EIF2AK3: variants seen among roughly 807,000 people sequenced by gnomAD.
The protein encoded by EIF2AK3 is eukaryotic translation initiation factor 2 alpha kinase 3.
A neutral mutation model predicts 113.5 loss-of-function variants in EIF2AK3; 50 were observed. The ratio of observed to expected loss-of-function variants is 0.44; its 90% CI spans 0.35 to 0.56. The LOEUF (loss-of-function observed/expected upper bound fraction) is 0.56, where lower values mean the gene tolerates loss of function less well. Ranked by LOEUF, EIF2AK3 falls within the 20% of genes least tolerant of loss-of-function variation. EIF2AK3 has a pLI of 0.00. For missense variants in EIF2AK3, 1,185 were observed against 1,378.0 expected (o/e 0.86, Z 2.22); for synonymous variants, 448 against 495.4 (o/e 0.90, Z 1.27).
At chr2:88,579,724 C>T (rs1366542572) in intron 10 of EIF2AK3, 84 bp from the exon 11 acceptor site, 1 of 1,292,374 alleles carries the variant, frequency 7.7e-7, no homozygotes, top group Non-Finnish European at 1.1e-6. Flanking sequence ...TCTTATGACA[C>T]ATAAAAATGT....
In EIF2AK3 at chr2:88,591,013, A is replaced by C. The variant is rs748516671; in HGVS notation, c.807T>G (p.Ile269Met). ...FSVGHFELRY[I>M]PDMETRAGFI... ...ATCCGGCTCTCGTTTCCATGTCTGG[A>C]ATATACCGAAGTTCAAAGTGGCCAA... The change falls in exon 5 of 17, where the codon ATT becomes ATG. Residue 269 changes from isoleucine (I) to methionine (M), a missense_variant. Ile to Met is a conservative substitution (Grantham distance 10). Around this residue, in one of 3 missense-constraint regions of EIF2AK3, gnomAD observed 877 missense variants for 1,024.2 expected, o/e 0.86. Coordinates refer to ENST00000303236, the MANE Select transcript of EIF2AK3 (RefSeq NM_004836.7). 8.1e-6 allele frequency: 13 copies of C among 1,613,998 alleles called. No homozygotes were observed. The highest frequency in any genetic ancestry group is 6.7e-5 in the Admixed American group (4 of 60,004).
chr2:88,564,282 T>G (rs1469380678), intron 14 of EIF2AK3, among the ~76,000 whole-genome samples: 1 of 152,180 alleles, frequency 6.6e-6, no homozygotes, highest in African/African-American at 2.4e-5. Context: ...TTAGTATAGC[T>G]TCTAAGGCTT....
chr2:88,611,314 A>G (rs1675450474), intron 2 of EIF2AK3, among the ~76,000 whole-genome samples: 1 of 152,114 alleles, frequency 6.6e-6, no homozygotes, highest in Admixed American at 6.6e-5. Flanking sequence ...CAACCTCAGA[A>G]GGGTTACTAT....
chr2:88,570,797 T>C (rs1674285009), intron 14 of EIF2AK3, 77 bp downstream of exon 14: 1 of 1,576,948 alleles, frequency 6.3e-7, no homozygotes, highest in Non-Finnish European at 8.7e-7. Flanking sequence ...TTACTGGGTA[T>C]TTTAATGAAA....
chr2:88,606,337 A>G (rs1384017129), intron 2 of EIF2AK3, among the ~76,000 whole-genome samples: 1 of 152,140 alleles, frequency 6.6e-6, no homozygotes. Context: ...AACAGGGCCA[A>G]ATCAGTTTCT....
At chr2:88,611,762 C>A (rs1277709895) in intron 2 of EIF2AK3, among the ~76,000 whole-genome samples, 1 of 152,104 alleles carries the variant, frequency 6.6e-6, no homozygotes, top group Non-Finnish European at 1.5e-5. Flanking sequence ...TCCCAAGTAG[C>A]TAGGATTACA....
chr2:88,590,808 T>C lies in EIF2AK3; in HGVS notation c.1002+10A>G. The C allele has an allele frequency of 2.5e-6, 4 of 1,613,480 alleles. No homozygotes were observed. The highest frequency in any genetic ancestry group is 3.4e-6 in the Non-Finnish European group (4 of 1,179,414). ...GAACCGTATTTTAAATCCTCAGTGG[T>C]GTTAGGTACCTGGTACTCCCATTCC... On this transcript the variant is annotated intron_variant, in intron 5 of 16. Transcript: ENST00000303236.
At chr2:88,589,288 A>G (rs1210445394) in intron 6 of EIF2AK3, among the ~76,000 whole-genome samples, 2 of 152,232 alleles carry the variant, frequency 1.3e-5, no homozygotes, top group African/African-American at 2.4e-5. Context: ...GTTAAATACT[A>G]TCATAACACA....
rs1462199166 is a variant in EIF2AK3, at chr2:88,570,733, C to T, written c.2985+141G>A. ...ACATCTTAGCTGTGTCACTATTCCA[C>T]TACTGGAACACTACTGCCAGTTTTC... On this transcript the variant is annotated intron_variant, in intron 14 of 16. Coordinates refer to ENST00000303236, the MANE Select transcript of EIF2AK3 (RefSeq NM_004836.7). 8 of 1,052,912 alleles carry T rather than the reference C, an allele frequency of 7.6e-6. No individual in the cohort carries two copies. The Admixed American group carries it at 1.5e-4, about 20-fold the overall frequency. The allele number at this position is 1,052,912 out of a possible 1,614,324, so 65.2% of individuals were successfully genotyped here. A position where few individuals can be genotyped will look rare whatever the true frequency, so the allele number is the denominator to read the frequency against.
intron 2 of EIF2AK3, among the ~76,000 whole-genome samples, chr2:88,613,123 C>G (rs1417669364): frequency 6.6e-6 from 1 of 152,184 alleles, no homozygotes; most frequent in Non-Finnish European, 1.5e-5. Context: ...TTGATGAGAA[C>G]AACTAAAGCT....
intron 13 of EIF2AK3, among the ~76,000 whole-genome samples, chr2:88,573,522 T>C (rs994835991): frequency 1.8e-4 from 27 of 152,192 alleles, no homozygotes; most frequent in Non-Finnish European, 3.2e-4. Flanking sequence ...TGTGGTCTCC[T>C]GTAAACTGTC....
At position 88,557,380 on chromosome 2, in the gene EIF2AK3, T is replaced by C. The variant is rs974625421; in HGVS notation, c.*356A>G. 28 of 243,558 alleles carry C rather than the reference T, an allele frequency of 1.1e-4. No homozygotes were observed. Among genetic ancestry groups the C allele is most frequent in the Non-Finnish European group, 2.1e-4 (26 of 122,732 alleles). The allele number at this position is 243,558 out of a possible 1,614,324, so 15.1% of individuals were successfully genotyped here. On this transcript the variant is annotated 3_prime_UTR_variant, in exon 17 of 17. Coordinates refer to ENST00000303236, the MANE Select transcript of EIF2AK3 (RefSeq NM_004836.7). Reference sequence around the variant, plus strand: ...CAATACAGTTACCACACAGGGGGACTTTCCTTCTTCTGCATTATAAAAATA... The same window carrying C: ...CAATACAGTTACCACACAGGGGGACCTTCCTTCTTCTGCATTATAAAAATA...
chr2:88,566,159 T>C (rs1674118060), intron 14 of EIF2AK3, among the ~76,000 whole-genome samples: 1 of 152,230 alleles, frequency 6.6e-6, no homozygotes, highest in Non-Finnish European at 1.5e-5. Flanking sequence ...TTCCATCTTC[T>C]TGGCTCCTCC....
chr2:88,625,608 C>T (rs1222030917), intron 1 of EIF2AK3, among the ~76,000 whole-genome samples: 1 of 152,214 alleles, frequency 6.6e-6, no homozygotes, highest in East Asian at 1.9e-4. Flanking sequence ...AGACTGCACA[C>T]TCTCCTGGAA....
chr2:88,607,302 A>C (rs1675300229), intron 2 of EIF2AK3, among the ~76,000 whole-genome samples: 1 of 152,354 alleles, frequency 6.6e-6, no homozygotes, highest in African/African-American at 2.4e-5. Flanking sequence ...ATCTGAATAT[A>C]AATTACTAGA....
At position 88,627,039 on chromosome 2, in the gene EIF2AK3, G is replaced by A. The variant is rs539891019; in HGVS notation, c.236C>T (p.Pro79Leu). The change falls in exon 1 of 17, where the codon CCG becomes CTG. Residue 79 changes from proline (P) to leucine (L), a missense_variant. By Grantham distance (98) the Pro-to-Leu change is moderately conservative (BLOSUM62 -3). Coordinates refer to ENST00000303236, the MANE Select transcript of EIF2AK3 (RefSeq NM_004836.7). ...EVTVEDAEAL[P>L]AAAGEQEPRG... ...AGGCTCCTGCTCTCCCGCGGCTGCC[G>A]GCAGCGCCTCAGCGTCCTCCACAGT... is the stretch of plus-strand genomic sequence containing the variant. 170 of 1,602,104 alleles carry A rather than the reference G, an allele frequency of 1.1e-4. No individual in the cohort carries two copies. In the East Asian group the frequency reaches 3.1e-3, roughly 30 times the overall value.
chr2:88,584,517 C>A (rs1352706955), intron 9 of EIF2AK3, among the ~76,000 whole-genome samples: 1 of 123,068 alleles, frequency 8.1e-6, no homozygotes, highest in Non-Finnish European at 1.6e-5. Flanking sequence ...ATGAGTGAGA[C>A]CCTGTCTCTG....
intron 15 of EIF2AK3, among the ~76,000 whole-genome samples, chr2:88,561,172 G>A (rs1284346900): frequency 2.0e-5 from 3 of 151,772 alleles, no homozygotes; most frequent in Non-Finnish European, 4.4e-5. Flanking sequence ...CCAGGCTGGT[G>A]TTGAACTCTG....
At position 88,627,011 on chromosome 2, in the gene EIF2AK3, C is replaced by T; in HGVS notation, c.264G>A (p.Arg88=). Residue 88 remains arginine, a synonymous_variant, in exon 1 of 17, where the codon CGG becomes CGA. Coordinates refer to ENST00000303236, the MANE Select transcript of EIF2AK3 (RefSeq NM_004836.7). ...CTGTCTCATCGTCTGGTTCCGGACC[C>T]CGAGGCTCCTGCTCTCCCGCGGCTG... ...LPAAAGEQEP[R]GPEPDDETEL... 2 of 1,608,190 alleles carry T rather than the reference C, an allele frequency of 1.2e-6. No homozygotes were observed. Among genetic ancestry groups the T allele is most frequent in the South Asian group, 2.2e-5 (2 of 90,932 alleles).
Sources: allele counts gnomAD v4.1 joint callset (sites outside exome capture counted in the v4.1 genomes callset), GRCh38; gene constraint gnomAD v4.1.1; regional missense constraint gnomAD v4.1.1; transcripts MANE v1.5; gene names NCBI Gene and HGNC (gene_info 2026-07-23, HGNC 2026-07-21).